MTR: variants seen among roughly 807,000 people sequenced by gnomAD.
MTR encodes the protein 5-methyltetrahydrofolate-homocysteine methyltransferase, also known as methionine synthase.
A neutral mutation model predicts 154.8 loss-of-function variants in MTR; 84 were observed. The ratio of observed to expected loss-of-function variants is 0.54; its 90% CI spans 0.45 to 0.65. The LOEUF is 0.65. MTR is among the 30% of genes least tolerant of loss of function. The pLI is 0.00. For missense variants in MTR, 1,275 were observed against 1,570.2 expected, an observed-to-expected ratio of 0.81 and a Z score of 3.18; for synonymous variants, 554 against 553.9, an observed-to-expected ratio of 1.00 and a Z score of 0.00.
intron 31 of MTR, among the ~76,000 whole-genome samples, chr1:236,895,981 C>T (rs1184346742): frequency 1.3e-5 from 2 of 152,212 alleles, no homozygotes; most frequent in Non-Finnish European, 1.5e-5. Flanking sequence ...GAGCGCCCAG[C>T]CTTCCCTTCA....
intron 15 of MTR, among the ~76,000 whole-genome samples, chr1:236,845,872 T>C (rs1318282654): frequency 1.3e-5 from 2 of 152,226 alleles, no homozygotes; most frequent in African/African-American, 2.4e-5. Flanking sequence ...CATAATGCTA[T>C]TGGATGTAGC....
chr1:236,877,347 A>G (rs1359834227), intron 24 of MTR, among the ~76,000 whole-genome samples: 2 of 152,194 alleles, frequency 1.3e-5, no homozygotes, highest in African/African-American at 2.4e-5. Flanking sequence ...CACCCATGTA[A>G]CCACCTCCAG....
chr1:236,864,475 A>G (rs1207303196), intron 22 of MTR, among the ~76,000 whole-genome samples: 1 of 151,200 alleles, frequency 6.6e-6, no homozygotes, highest in African/African-American at 2.4e-5. Context: ...TCAGGAAGGC[A>G]TTTTTTTTTC....
At chr1:236,872,631 C>T (rs1158178644) in intron 22 of MTR, among the ~76,000 whole-genome samples, 2 of 151,990 alleles carry the variant, frequency 1.3e-5, no homozygotes, top group African/African-American at 4.8e-5. Flanking sequence ...TTCTCTGGGC[C>T]CCTTCTCATT....
intron 22 of MTR, among the ~76,000 whole-genome samples, 184 bp downstream of exon 22, chr1:236,863,738 TAA>T (rs1664679729): frequency 6.6e-6 from 1 of 152,192 alleles, no homozygotes; most frequent in Non-Finnish European, 1.5e-5. Context: ...TCAAATGAAA[TAA>T]GTTAGTAATT....
intron 23 of MTR, 57 bp from the exon 24 acceptor site, chr1:236,874,669 C>G: frequency 1.4e-6 from 2 of 1,386,410 alleles, no homozygotes; most frequent in East Asian, 5.3e-5. Flanking sequence ...TTTCCTTTTT[C>G]TTTCATCTTC....
At position 236,795,397 on chromosome 1, in the gene MTR, C is replaced by G; in HGVS notation, c.-307C>G. The G allele has an allele frequency of 7.0e-7, 1 of 1,434,192 alleles. No individual in the cohort carries two copies. The highest frequency in any genetic ancestry group is 9.2e-7 in the Non-Finnish European group (1 of 1,081,832). The allele number at this position is 1,434,192 out of a possible 1,614,324, so 88.8% of individuals were successfully genotyped here. ...TCTCTTGGGTCCTTTTCCGTGCCGT[C>G]CCGCGACTCCGCCTCTGGCCGCGCG... On this transcript the variant is annotated 5_prime_UTR_variant, in exon 1 of 33. Coordinates refer to ENST00000366577, the MANE Select transcript of MTR (RefSeq NM_000254.3).
At chr1:236,824,857 A>C (rs1662186458) in intron 9 of MTR, among the ~76,000 whole-genome samples, 1 of 152,202 alleles carries the variant, frequency 6.6e-6, no homozygotes, top group Admixed American at 6.5e-5. Context: ...GCAGATAATA[A>C]ATAAAACAAG....
intron 22 of MTR, among the ~76,000 whole-genome samples, chr1:236,870,460 T>C (rs558790471): frequency 1.3e-5 from 2 of 152,342 alleles, no homozygotes; most frequent in Non-Finnish European, 2.9e-5. Flanking sequence ...TGTACCTTCT[T>C]GTCACCTGGG....
At chr1:236,830,050 A>C (rs1290319155) in intron 12 of MTR, among the ~76,000 whole-genome samples, 8 of 152,238 alleles carry the variant, frequency 5.3e-5, no homozygotes, top group Non-Finnish European at 8.8e-5. Flanking sequence ...TTGTCCTATG[A>C]AAAGTAAAAT....
intron 13 of MTR, among the ~76,000 whole-genome samples, chr1:236,834,235 G>C (rs1212146751): frequency 6.6e-6 from 1 of 152,118 alleles, no homozygotes; most frequent in African/African-American, 2.4e-5. Context: ...GCTGGAGTGC[G>C]ATGGCATGAT....
At chr1:236,837,448 C>T (rs1662971790) in intron 14 of MTR, among the ~76,000 whole-genome samples, 1 of 152,160 alleles carries the variant, frequency 6.6e-6, no homozygotes, top group Non-Finnish European at 1.5e-5. Flanking sequence ...CTGTGCTTCT[C>T]TTATGCTTTT....
rs114023454 is a variant in MTR, at chr1:236,852,432, T to C, written c.1696-89T>C. ...ACTTCGGATGCTTTTTGTTTTTTTT[T>C]CTTTCCACTCCTATATAAAGCTTAA... is the stretch of plus-strand genomic sequence containing the variant. On this transcript the variant is annotated intron_variant, in intron 16 of 32. Coordinates refer to ENST00000366577, the MANE Select transcript of MTR (RefSeq NM_000254.3). 1.4e-3 allele frequency: 1,284 copies of C among 948,166 alleles called. 14 individuals carry two copies. The African/African-American group carries it at 0.018, about 14-fold the overall frequency. The allele number at this position is 948,166 out of a possible 1,614,324, so 58.7% of individuals were successfully genotyped here. A position where few individuals can be genotyped will look rare whatever the true frequency, so the allele number is the denominator to read the frequency against.
chr1:236,895,150 G>A, intron 30 of MTR: 1 of 636,150 alleles, frequency 1.6e-6, no homozygotes, highest in East Asian at 2.8e-5. Flanking sequence ...CAGAGCTCAG[G>A]TTGAGGCCAA....
intron 17 of MTR, 69 bp from the exon 18 acceptor site, chr1:236,852,879 A>G: frequency 6.4e-7 from 1 of 1,572,290 alleles, no homozygotes; most frequent in Non-Finnish European, 8.7e-7. Flanking sequence ...CCCTTTACAG[A>G]GAAAAGTTTG....
intron 25 of MTR, among the ~76,000 whole-genome samples, chr1:236,882,397 T>C (rs1665788583): frequency 6.6e-6 from 1 of 151,654 alleles, no homozygotes; most frequent in Non-Finnish European, 1.5e-5. Context: ...CACCATTTTT[T>C]TTTTTTTTTT....
rs918322196 is a variant in MTR, at chr1:236,852,843, C to T, written c.1813-105C>T. 10 of 1,360,936 alleles carry T rather than the reference C, an allele frequency of 7.3e-6. No homozygotes were observed. The African/African-American group carries it at 8.6e-5, about 12-fold the overall frequency. The allele number at this position is 1,360,936 out of a possible 1,614,324, so 84.3% of individuals were successfully genotyped here. On this transcript the variant is annotated intron_variant, in intron 17 of 32. Coordinates refer to ENST00000366577, the MANE Select transcript of MTR (RefSeq NM_000254.3). The stretch of plus-strand genomic sequence containing the variant: ...CAAAGTTGAGTAGCTGTGACAGAGG[C>T]TATGGCCTAAAATATTTCTCTCTGG...
Position 236,810,935 on chromosome 1 carries a change from C to G in MTR, c.502+340C>G, listed in dbSNP as rs186861640. Among the ~76,000 whole-genome samples the G allele has an allele frequency of 6.0e-4, 92 of 152,152 alleles. 1 individual carries two copies. The highest frequency in any genetic ancestry group is 2.1e-3 in the African/African-American group (88 of 41,426). On this transcript the variant is annotated intron_variant, in intron 5 of 32. Transcript: ENST00000366577. ...GTTTGTGGTCTATTATAAAATAGCA[C>G]ACAATATCCTCATTTATCAGAAGGC...
chr1:236,815,573 A>G, intron 6 of MTR, 31 bp from the exon 7 acceptor site: 1 of 1,612,526 alleles, frequency 6.2e-7, no homozygotes, highest in Non-Finnish European at 8.5e-7. Context: ...ACTCTCAGAA[A>G]TAAAGACGTT....
Sources: gnomAD v4.1 joint callset for allele counts (sites outside exome capture counted in the v4.1 genomes callset) on GRCh38, gnomAD v4.1.1 for gene constraint, MANE v1.5 for transcripts, NCBI Gene and HGNC (gene_info 2026-07-23, HGNC 2026-07-21) for gene names.